SARM1: variants seen among roughly 807,000 people sequenced by gnomAD.
SARM1 encodes the protein NAD(+) hydrolase SARM1.
A neutral mutation model predicts 65.1 loss-of-function variants in SARM1; 60 were observed. That is an observed-to-expected ratio of 0.92 (90% CI 0.75 to 1.14). SARM1 has a LOEUF of 1.14. Ranked by LOEUF, SARM1 falls within the 50% of genes most tolerant of loss-of-function variation. The pLI is 0.00. For missense variants in SARM1, 913 were observed against 1,015.7 expected, an observed-to-expected ratio of 0.90 and a Z score of 1.37; for synonymous variants, 417 against 465.4, an observed-to-expected ratio of 0.90 and a Z score of 1.34.
intron 5 of SARM1, 87 bp from the exon 6 acceptor site, chr17:28,388,086 TG>T: frequency 9.5e-7 from 1 of 1,056,298 alleles, no homozygotes; most frequent in Non-Finnish European, 1.4e-6. Context: ...CTTGGTGGAC[TG>T]GGGACTAAGT....
At position 28,385,375 on chromosome 17, in the gene SARM1, GGATT is replaced by G. The variant is rs1943449321; in HGVS notation, c.1630+107_1630+110del. On this transcript the variant is annotated intron_variant, in intron 5 of 8. Coordinates refer to ENST00000585482, the MANE Select transcript of SARM1 (RefSeq NM_015077.4). The surrounding 1 kb of genome is among the most constrained non-coding windows in gnomAD (Gnocchi z 4.5). ...GGGTGGAGCCTTCCAGCCTCGCCGTGGATTGATTGAGCACAAACGTGGGTCACAC... is the reference window on the plus strand; with the variant it reads ...GGGTGGAGCCTTCCAGCCTCGCCGTGGATTGAGCACAAACGTGGGTCACAC... 4.4e-6 allele frequency: 4 copies of G among 907,806 alleles called. No homozygotes were observed. In the African/African-American group the frequency reaches 5.0e-5, roughly 11 times the overall value. The allele number at this position is 907,806 out of a possible 1,614,324, so 56.2% of individuals were successfully genotyped here.
rs576326199 is a variant in SARM1 at position 28,379,562 on chromosome 17, G to A, written c.471-1641G>A. 1.3e-3 allele frequency among the ~76,000 whole-genome samples: 194 copies of A among 152,036 alleles called. 1 individual carries two copies. Among genetic ancestry groups the A allele is most frequent in the Middle Eastern group, 6.8e-3 (2 of 294 alleles). ...CCTGACCTTGTCATCCACCCGCCTCGGCCTCCCAAAGTGCTGGGATTACAG... is the reference window on the plus strand; with the variant it reads ...CCTGACCTTGTCATCCACCCGCCTCAGCCTCCCAAAGTGCTGGGATTACAG... On this transcript the variant is annotated intron_variant, in intron 1 of 8. Transcript: ENST00000585482.
intron 7 of SARM1, 52 bp from the exon 8 acceptor site, chr17:28,395,853 G>A: frequency 1.9e-6 from 3 of 1,604,708 alleles, no homozygotes; most frequent in Non-Finnish European, 8.5e-7. Flanking sequence ...CTGGCTACAA[G>A]GGTCCCTAGA....
intron 7 of SARM1, among the ~76,000 whole-genome samples, chr17:28,390,043 C>T (rs546047006): frequency 2.2e-4 from 34 of 152,282 alleles, no homozygotes; most frequent in Admixed American, 1.2e-3. Flanking sequence ...CCTGAGAACA[C>T]GTGCCCAAGG....
At position 28,398,620 on chromosome 17, in the gene SARM1, T is replaced by C; in HGVS notation, c.*2334T>C. 6.5e-6 allele frequency: 1 copy of C among 152,684 alleles called. No homozygotes were observed. The highest frequency in any genetic ancestry group is 1.5e-5 in the Non-Finnish European group (1 of 68,472). The allele number at this position is 152,684 out of a possible 1,614,324, so 9.5% of individuals were successfully genotyped here. A position where few individuals can be genotyped will look rare whatever the true frequency, so the allele number is the denominator to read the frequency against. ...GGTTGGGGCTGAGTCAGCCAGATCC[T>C]CCCCCTACTTCTCCCCAAGGGCCAA... On this transcript the variant is annotated 3_prime_UTR_variant, in exon 9 of 9. Coordinates refer to ENST00000585482, the MANE Select transcript of SARM1 (RefSeq NM_015077.4).
chr17:28,380,057 C>CTTTTTTTTTTT (rs61029083), intron 1 of SARM1, among the ~76,000 whole-genome samples: 8 of 106,088 alleles, frequency 7.5e-5, no homozygotes, highest in Admixed American at 1.1e-4. Context: ...TTTTTCTTTT[C>CTTTTTTTTTTT]TTTTTTTTTT....
At chr17:28,395,683 T>G (rs2068112492) in intron 7 of SARM1, 4 of 532,460 alleles carry the variant, frequency 7.5e-6, no homozygotes, top group South Asian at 4.5e-5. Context: ...ACTCAAGAGA[T>G]TCCAAGGGTT....
At chr17:28,391,024 C>T (rs560403578) in intron 7 of SARM1, among the ~76,000 whole-genome samples, 1 of 152,294 alleles carries the variant, frequency 6.6e-6, no homozygotes, top group Admixed American at 6.5e-5. Flanking sequence ...TTCCCAAGAT[C>T]CACACTGCAT....
Position 28,396,379 on chromosome 17 carries a change from C to A in SARM1, c.*93C>A. On this transcript the variant is annotated 3_prime_UTR_variant, in exon 9 of 9. Transcript: ENST00000585482. ...TGAAACCAGTCTCCCTGGGCTGAGA[C>A]AACCTGGGCTCTTCTTAGGAAATGG... is the stretch of plus-strand genomic sequence containing the variant. 1.3e-6 allele frequency: 2 copies of A among 1,487,124 alleles called. No individual in the cohort carries two copies. Among genetic ancestry groups the A allele is most frequent in the Non-Finnish European group, 1.8e-6 (2 of 1,081,654 alleles). 92.1% of individuals were successfully genotyped at this position (1,487,124 alleles called of 1,614,324 possible). A position where few individuals can be genotyped will look rare whatever the true frequency, so the allele number is the denominator to read the frequency against.
intron 5 of SARM1, among the ~76,000 whole-genome samples, chr17:28,386,235 G>C (rs970809331): frequency 6.6e-6 from 1 of 152,168 alleles, no homozygotes; most frequent in African/African-American, 2.4e-5. Context: ...AGCCCAGGAA[G>C]TTAAGGCCGC....
rs549805854 is a variant in SARM1 at position 28,398,486 on chromosome 17, T to G, written c.*2200T>G. 6.6e-6 allele frequency: 1 copy of G among 152,488 alleles called. No homozygotes were observed. Among genetic ancestry groups the G allele is most frequent in the African/African-American group, 2.4e-5 (1 of 41,582 alleles). 9.4% of individuals were successfully genotyped at this position (152,488 alleles called of 1,614,324 possible). A position where few individuals can be genotyped will look rare whatever the true frequency, so the allele number is the denominator to read the frequency against. ...ACCAGGTCAAGCACCTAGGCCTGGC[T>G]TCTCCTGAGACAGAGGACTCAGAAG... On this transcript the variant is annotated 3_prime_UTR_variant, in exon 9 of 9. Coordinates refer to ENST00000585482, the MANE Select transcript of SARM1 (RefSeq NM_015077.4).
In SARM1 at chr17:28,381,356, G is replaced by T; in HGVS notation, c.624G>T (p.Leu208=). 1.3e-6 allele frequency: 2 copies of T among 1,577,818 alleles called. No individual in the cohort carries two copies. Among genetic ancestry groups the T allele is most frequent in the East Asian group, 2.3e-5 (1 of 43,082 alleles). The stretch of plus-strand genomic sequence containing the variant: ...AGAGGCTGGTGGCGGCCGGCGGCCT[G>T]GACGCGGTGCTGTATTGGTGCCGCC... ...TCQRLVAAGG[L]DAVLYWCRRT... Residue 208 remains leucine, a synonymous_variant, in exon 2 of 9, where the codon CTG becomes CTT. Coordinates refer to ENST00000585482, the MANE Select transcript of SARM1 (RefSeq NM_015077.4).
rs1276762560 is a variant in SARM1 at position 28,384,928 on chromosome 17, G to C, written c.1392G>C (p.Lys464Asn). Residue 464 changes from lysine to asparagine, a missense_variant and splice_region_variant, in exon 4 of 9, where the codon AAG (lysine) becomes AAC (asparagine). Physicochemically the swap from Lys to Asn is moderately conservative, Grantham distance 94. This residue lies in a region of SARM1 where 862 missense variants were observed against 952.1 expected (regional missense o/e 0.91). Coordinates refer to ENST00000585482, the MANE Select transcript of SARM1 (RefSeq NM_015077.4). This position sits in a 1 kb window ranked among gnomAD's most constrained non-coding sequence, Gnocchi z 4.4. Reference sequence around the variant, plus strand: ...GCATGAAATCGGGCATCACCCGCAAGAGGTACGGAGCCTCCTGCCCGCCGG... The same window carrying C: ...GCATGAAATCGGGCATCACCCGCAACAGGTACGGAGCCTCCTGCCCGCCGG... ...DLGMKSGITR[K>N]RFFRELTELK... The C allele has an allele frequency of 6.4e-7, 1 of 1,568,792 alleles. No individual in the cohort carries two copies. The highest frequency in any genetic ancestry group is 1.4e-5 in the African/African-American group (1 of 73,620).
At position 28,396,205 on chromosome 17, in the gene SARM1, C is replaced by T. The variant is rs371027401; in HGVS notation, c.2094C>T (p.Phe698=). 1.2e-6 allele frequency: 2 copies of T among 1,613,920 alleles called. No individual in the cohort carries two copies. The highest frequency in any genetic ancestry group is 1.1e-5 in the South Asian group (1 of 91,090). The change falls in exon 9 of 9, where the codon TTC becomes TTT. Residue 698 remains phenylalanine, a synonymous_variant. Transcript: ENST00000585482. ...CCACCATTGAGAAGATCATCCGCTT[C>T]CTGCAGGGCCGCTCCTCCCGGGACT... ...QEATIEKIIR[F]LQGRSSRDSS...
intron 1 of SARM1, among the ~76,000 whole-genome samples, chr17:28,375,992 T>C (rs2067987291): frequency 6.6e-6 from 1 of 152,172 alleles, no homozygotes; most frequent in Non-Finnish European, 1.5e-5. Context: ...TCCCCTCCTT[T>C]GGAGCTGGGA....
chr17:28,398,466 G>A lies in SARM1; in HGVS notation c.*2180G>A, dbSNP rs1555588707. 1.3e-5 allele frequency: 2 copies of A among 152,388 alleles called. No homozygotes were observed. The highest frequency in any genetic ancestry group is 2.9e-5 in the Non-Finnish European group (2 of 68,190). The allele number at this position is 152,388 out of a possible 1,614,324, so 9.4% of individuals were successfully genotyped here. A position where few individuals can be genotyped will look rare whatever the true frequency, so the allele number is the denominator to read the frequency against. ...GGACAAACACAGCTCAGATCACCAG[G>A]TCAAGCACCTAGGCCTGGCTTCTCC... On this transcript the variant is annotated 3_prime_UTR_variant, in exon 9 of 9. Coordinates refer to ENST00000585482, the MANE Select transcript of SARM1 (RefSeq NM_015077.4).
chr17:28,372,260 G>T lies in SARM1; in HGVS notation c.228G>T (p.Leu76Phe). Residue 76 changes from leucine to phenylalanine, a missense_variant, in exon 1 of 9, where the codon TTG (leucine) becomes TTT (phenylalanine). By Grantham distance (22) the Leu-to-Phe change is conservative. Coordinates refer to ENST00000585482, the MANE Select transcript of SARM1 (RefSeq NM_015077.4). The surrounding 1 kb of genome is among the most constrained non-coding windows in gnomAD (Gnocchi z 5.2). Reference protein sequence around the residue: ...ERALPELQQALSALKQAGGAR... With the variant: ...ERALPELQQAFSALKQAGGAR... ...CGCTGCCGGAGCTGCAGCAGGCCTT[G>T]TCCGCGCTGAAGCAGGCGGGCGGCG... The T allele has an allele frequency of 2.2e-6, 3 of 1,394,434 alleles. No homozygotes were observed. The highest frequency in any genetic ancestry group is 2.8e-6 in the Non-Finnish European group (3 of 1,085,020). 86.4% of individuals were successfully genotyped at this position (1,394,434 alleles called of 1,614,324 possible).
rs2068042753 is a variant in SARM1, at chr17:28,384,942, C to T, written c.1394+12C>T. On this transcript the variant is annotated intron_variant, in intron 4 of 8. Transcript: ENST00000585482. This position sits in a 1 kb window ranked among gnomAD's most constrained non-coding sequence, Gnocchi z 4.4. Reference sequence around the variant, plus strand: ...ATCACCCGCAAGAGGTACGGAGCCTCCTGCCCGCCGGACCCCAGCTAGGTC... The same window carrying T: ...ATCACCCGCAAGAGGTACGGAGCCTTCTGCCCGCCGGACCCCAGCTAGGTC... 3 of 1,572,966 alleles carry T rather than the reference C, an allele frequency of 1.9e-6. No homozygotes were observed. Among genetic ancestry groups the T allele is most frequent in the Non-Finnish European group, 2.6e-6 (3 of 1,159,084 alleles).
chr17:28,400,711 G>A lies in SARM1; in HGVS notation c.*4425G>A, dbSNP rs1462824243. 1.1e-5 allele frequency: 17 copies of A among 1,606,768 alleles called. 1 individual carries two copies. Among genetic ancestry groups the A allele is most frequent in the South Asian group, 4.5e-5 (4 of 89,732 alleles). On this transcript the variant is annotated 3_prime_UTR_variant, in exon 9 of 9. Coordinates refer to ENST00000585482, the MANE Select transcript of SARM1 (RefSeq NM_015077.4). ...CTGGGTAGAGTGAGTTGAAGATGCC[G>A]GAGGCCGTCAGCATGGCCAGGCTAT...
Sources: gnomAD v4.1 joint callset for allele counts (sites outside exome capture counted in the v4.1 genomes callset) on GRCh38, gnomAD v4.1.1 for gene constraint, gnomAD v4.1.1 regional missense constraint, Gnocchi (gnomAD v3.1) non-coding constraint, MANE v1.5 for transcripts, NCBI Gene and HGNC (gene_info 2026-07-23, HGNC 2026-07-21) for gene names.